The following MSANTD2 variants were observed in gnomAD, a reference collection of about 807,000 sequenced individuals.
MSANTD2 encodes the protein Myb/SANT DNA binding domain containing 2, also known as myb/SANT-like DNA-binding domain-containing protein 2.
In MSANTD2, 19 loss-of-function variants were observed where a neutral mutation model predicts 52.6. The ratio of observed to expected loss-of-function variants is 0.36; its 90% CI spans 0.25 to 0.53. MSANTD2 has a LOEUF of 0.53. Among genes scored for constraint, MSANTD2 ranks in the 20% least tolerant of loss-of-function variants. The pLI is 0.91. For missense variants in MSANTD2, 558 were observed against 716.3 expected, an observed-to-expected ratio of 0.78 and a Z score of 2.52; for synonymous variants, 291 against 289.7, an observed-to-expected ratio of 1.00 and a Z score of -0.04.
At chr11:124,799,540 C>T (rs1298373324) in intron 1 of MSANTD2, among the ~76,000 whole-genome samples, 2 of 152,164 alleles carry the variant, frequency 1.3e-5, no homozygotes, top group Non-Finnish European at 2.9e-5. Context: ...GGGGCCCCGG[C>T]GGTGGGGGCA....
intron 2 of MSANTD2, among the ~76,000 whole-genome samples, chr11:124,773,610 G>A (rs896161644): frequency 7.2e-5 from 11 of 152,230 alleles, no homozygotes; most frequent in Admixed American, 3.9e-4. Flanking sequence ...TTTCTTATAC[G>A]CTGTTAGTCT....
chr11:124,774,691 T>C lies in MSANTD2; in HGVS notation c.766+28A>G. On this transcript the variant is annotated intron_variant, in intron 2 of 3. Transcript: ENST00000374979. This position sits in a 1 kb window ranked among gnomAD's most constrained non-coding sequence, Gnocchi z 5.1. ...AAAGGTATATAAATATACACAAACA[T>C]AAGTATCATATATGTTGGCTTTCTT... is the stretch of plus-strand genomic sequence containing the variant. 1 of 1,606,862 alleles carries C rather than the reference T, an allele frequency of 6.2e-7. No individual in the cohort carries two copies. The highest frequency in any genetic ancestry group is 1.1e-5 in the South Asian group (1 of 90,398).
chr11:124,781,523 AAC>A (rs1235676299), intron 1 of MSANTD2, among the ~76,000 whole-genome samples: 3 of 152,204 alleles, frequency 2.0e-5, no homozygotes, highest in African/African-American at 4.8e-5. Context: ...TTCCAGCTTT[AAC>A]ACTGCCTAAT....
chr11:124,768,470 A>G (rs1374584646), intron 3 of MSANTD2, among the ~76,000 whole-genome samples: 1 of 152,236 alleles, frequency 6.6e-6, no homozygotes, highest in Non-Finnish European at 1.5e-5. Context: ...AAGGTGAAAA[A>G]TGCTGTATTT....
chr11:124,770,300 T>TC (rs1944456085), intron 3 of MSANTD2, among the ~76,000 whole-genome samples: 1 of 142,196 alleles, frequency 7.0e-6, no homozygotes. Flanking sequence ...ATAACTCTTT[T>TC]TTTTTGTTTG....
chr11:124,784,507 C>T, intron 1 of MSANTD2: 1 of 982,280 alleles, frequency 1.0e-6, no homozygotes, highest in Non-Finnish European at 1.2e-6. Flanking sequence ...CCTCAAAAAT[C>T]CGCACACAGC....
chr11:124,775,243 CA>C (rs1944693598), intron 1 of MSANTD2: 1 of 296,618 alleles, frequency 3.4e-6, no homozygotes, highest in Admixed American at 4.7e-5. Context: ...GTACCCCATA[CA>C]CATATTTTTA....
intron 1 of MSANTD2, among the ~76,000 whole-genome samples, chr11:124,777,660 CT>C (rs1944795565): frequency 6.6e-6 from 1 of 152,148 alleles, no homozygotes; most frequent in Non-Finnish European, 1.5e-5. Context: ...TTGTAGTGTA[CT>C]TTTGTAATAC....
chr11:124,769,728 T>C (rs1454454239), intron 3 of MSANTD2, among the ~76,000 whole-genome samples: 2 of 152,242 alleles, frequency 1.3e-5, no homozygotes, highest in East Asian at 3.8e-4. Flanking sequence ...TAATCCCACC[T>C]ATACCTACAG....
chr11:124,770,780 GTT>G (rs1054956993), intron 3 of MSANTD2, among the ~76,000 whole-genome samples: 3,940 of 132,078 alleles, frequency 0.03, 163 homozygotes, highest in African/African-American at 0.1. Context: ...TAATTTTTTG[GTT>G]TTTTTTTTTT....
At chr11:124,778,105 A>G (rs1318215507) in intron 1 of MSANTD2, among the ~76,000 whole-genome samples, 1 of 152,224 alleles carries the variant, frequency 6.6e-6, no homozygotes, top group African/African-American at 2.4e-5. Flanking sequence ...TGCGTGTCCC[A>G]GTCCTAAATA....
chr11:124,793,759 C>T (rs1282598537), intron 1 of MSANTD2, among the ~76,000 whole-genome samples: 3 of 151,726 alleles, frequency 2.0e-5, no homozygotes, highest in African/African-American at 7.3e-5. Context: ...AGTTATAAGA[C>T]TTTTATTCCT....
intron 1 of MSANTD2, among the ~76,000 whole-genome samples, chr11:124,797,549 C>T (rs1238424616): frequency 6.6e-6 from 1 of 152,238 alleles, no homozygotes; most frequent in East Asian, 1.9e-4. Context: ...CTACTATATG[C>T]TAGTACAGCA....
intron 3 of MSANTD2, among the ~76,000 whole-genome samples, chr11:124,769,525 G>C (rs1324020007): frequency 6.6e-6 from 1 of 152,150 alleles, no homozygotes; most frequent in Non-Finnish European, 1.5e-5. Flanking sequence ...ATCTTTCATA[G>C]CTACCATCTT....
intron 1 of MSANTD2, among the ~76,000 whole-genome samples, chr11:124,786,917 G>A (rs1273350034): frequency 2.0e-5 from 3 of 152,152 alleles, no homozygotes; most frequent in Non-Finnish European, 4.4e-5. Context: ...ATAAGCAAGT[G>A]GTTAAGAAGA....
intron 3 of MSANTD2, among the ~76,000 whole-genome samples, chr11:124,771,128 A>G (rs1476122484): frequency 6.6e-6 from 1 of 152,130 alleles, no homozygotes; most frequent in African/African-American, 2.4e-5. Context: ...TTGGCCTCCC[A>G]AAGTGCTGGG....
rs1275014413 is a variant in MSANTD2 at position 124,766,963 on chromosome 11, A to G, written c.*213T>C. ...CTGACCCACCATGCAAGTTCGCTAT[A>G]TATCTTGCTTGCTCAAAATGAGCAT... is the stretch of plus-strand genomic sequence containing the variant. On this transcript the variant is annotated 3_prime_UTR_variant, in exon 4 of 4. Transcript: ENST00000374979. The G allele has an allele frequency of 6.1e-6, 3 of 494,638 alleles. No individual in the cohort carries two copies. The highest frequency in any genetic ancestry group is 2.0e-5 in the African/African-American group (1 of 51,132). 30.6% of individuals were successfully genotyped at this position (494,638 alleles called of 1,614,324 possible). A position where few individuals can be genotyped will look rare whatever the true frequency, so the allele number is the denominator to read the frequency against.
At chr11:124,795,505 C>A (rs1383884556) in intron 1 of MSANTD2, among the ~76,000 whole-genome samples, 2 of 152,116 alleles carry the variant, frequency 1.3e-5, no homozygotes, top group African/African-American at 2.4e-5. Context: ...TGAGACTGGT[C>A]ACTCCTTTGA....
intron 1 of MSANTD2, among the ~76,000 whole-genome samples, chr11:124,785,917 T>C (rs1945143811): frequency 6.6e-6 from 1 of 151,896 alleles, no homozygotes; most frequent in African/African-American, 2.4e-5. Context: ...TGTAAGTTCA[T>C]CTTTGGTTTC....
Sources: gnomAD v4.1 joint callset for allele counts (sites outside exome capture counted in the v4.1 genomes callset) on GRCh38, gnomAD v4.1.1 for gene constraint, Gnocchi (gnomAD v3.1) non-coding constraint, MANE v1.5 for transcripts, NCBI Gene and HGNC (gene_info 2026-07-23, HGNC 2026-07-21) for gene names.